The following CPNE4 variants were observed in gnomAD, a reference collection of about 807,000 sequenced individuals.
CPNE4 encodes copine-4.
CPNE4 carries 25 observed loss-of-function variants against 67.9 expected under a neutral mutation model. The ratio of observed to expected loss-of-function variants is 0.37; its 90% CI spans 0.27 to 0.51. The LOEUF is 0.51. Ranked by LOEUF, CPNE4 falls within the 20% of genes least tolerant of loss-of-function variation. The probability of loss-of-function intolerance (pLI) is 0.93; values close to 1 mark genes in which losing one functional copy is unlikely to be tolerated. For missense variants in CPNE4, 464 were observed against 690.8 expected, an observed-to-expected ratio of 0.67 and a Z score of 3.68; for synonymous variants, 242 against 244.9, an observed-to-expected ratio of 0.99 and a Z score of 0.11.
rs78977460 is a variant in CPNE4 at position 131,725,914 on chromosome 3, T to C, written c.181-2289A>G. Among the ~76,000 whole-genome samples, 1,507 of 152,338 alleles carry C rather than the reference T, an allele frequency of 9.9e-3. 18 individuals are homozygous for C. Among genetic ancestry groups the C allele is most frequent in the African/African-American group, 0.032 (1,330 of 41,564 alleles). On this transcript the variant is annotated intron_variant, in intron 2 of 15. Coordinates refer to ENST00000429747, the MANE Select transcript of CPNE4 (RefSeq NM_130808.3). ...GCAACTTCCAGGCCTTTCTCCTTCA[T>C]TTAATTTCTCTTCCTGGCCCCTAGA...
intron 1 of CPNE4, among the ~76,000 whole-genome samples, chr3:131,952,471 TGG>T (rs1166786933): frequency 6.6e-5 from 6 of 90,438 alleles, no homozygotes; most frequent in African/African-American, 1.8e-4. Flanking sequence ...GGGAGGGAGG[TGG>T]GGGGGTCAGC....
At chr3:131,813,275 AAT>A (rs1215527611) in intron 2 of CPNE4, among the ~76,000 whole-genome samples, 1 of 151,650 alleles carries the variant, frequency 6.6e-6, no homozygotes, top group South Asian at 2.1e-4. Flanking sequence ...AAGTTTGTAA[AAT>A]ATGTTTCCAT....
intron 1 of CPNE4, among the ~76,000 whole-genome samples, chr3:131,951,799 G>A (rs1225011): frequency 0.13 from 20,391 of 152,038 alleles, 1,443 homozygotes; most frequent in Admixed American, 0.18. Context: ...TCCTAACCGC[G>A]AGTGATCCGC....
chr3:131,646,825 G>A (rs2079680057), intron 7 of CPNE4, among the ~76,000 whole-genome samples: 1 of 152,234 alleles, frequency 6.6e-6, no homozygotes. Context: ...GACAAGCTCT[G>A]AAAAGTTCTA....
chr3:131,684,201 G>T (rs1280662643), intron 6 of CPNE4, among the ~76,000 whole-genome samples: 2 of 152,180 alleles, frequency 1.3e-5, no homozygotes, highest in Non-Finnish European at 2.9e-5. Context: ...TGTTCTTATG[G>T]GTAGGATAAT....
At chr3:131,863,073 G>A (rs1390775277) in intron 2 of CPNE4, among the ~76,000 whole-genome samples, 1 of 152,074 alleles carries the variant, frequency 6.6e-6, no homozygotes, top group Non-Finnish European at 1.5e-5. Context: ...ATTCCATGGT[G>A]TATATGTGCC....
intron 14 of CPNE4, among the ~76,000 whole-genome samples, chr3:131,548,994 A>G (rs1008775025): frequency 6.6e-6 from 1 of 152,162 alleles, no homozygotes; most frequent in African/African-American, 2.4e-5. Context: ...TTGAATGAGT[A>G]CTTGTTAATG....
At chr3:131,625,506 A>C (rs763693397) in intron 7 of CPNE4, among the ~76,000 whole-genome samples, 1 of 152,152 alleles carries the variant, frequency 6.6e-6, no homozygotes, top group Non-Finnish European at 1.5e-5. Context: ...AAAAAAGCTC[A>C]CTATGCAGAA....
At chr3:131,834,580 G>GA (rs920643974) in intron 2 of CPNE4, among the ~76,000 whole-genome samples, 14 of 148,074 alleles carry the variant, frequency 9.5e-5, no homozygotes, top group South Asian at 6.4e-4. Flanking sequence ...TATTTGGAGA[G>GA]AAAAAAAAAT....
intron 2 of CPNE4, among the ~76,000 whole-genome samples, chr3:131,729,048 G>A (rs937868328): frequency 3.9e-5 from 6 of 152,192 alleles, no homozygotes; most frequent in African/African-American, 1.4e-4. Flanking sequence ...GGAGAGGTGA[G>A]AGCTAAATCG....
intron 14 of CPNE4, among the ~76,000 whole-genome samples, chr3:131,545,617 C>A (rs1329063135): frequency 3.3e-5 from 5 of 152,106 alleles, no homozygotes; most frequent in Admixed American, 2.0e-4. Context: ...AATTATTAGA[C>A]AAACTACTGG....
intron 7 of CPNE4, 127 bp downstream of exon 7, chr3:131,669,548 C>T: frequency 7.7e-6 from 5 of 649,900 alleles, no homozygotes; most frequent in Non-Finnish European, 1.3e-5. Context: ...CATCGAGATG[C>T]TAAAAGATGA....
chr3:131,797,888 G>A (rs1377875292), intron 2 of CPNE4, among the ~76,000 whole-genome samples: 2 of 152,120 alleles, frequency 1.3e-5, no homozygotes, highest in Non-Finnish European at 2.9e-5. Context: ...CCACAGACTG[G>A]GTGGTTTAAA....
intron 1 of CPNE4, among the ~76,000 whole-genome samples, chr3:132,030,624 C>T (rs1027077421): frequency 2.6e-5 from 4 of 152,146 alleles, no homozygotes; most frequent in Non-Finnish European, 5.9e-5. Flanking sequence ...ATTTACTGAG[C>T]TAAAAGCTGA....
chr3:131,876,965 G>A (rs4345110), intron 2 of CPNE4, among the ~76,000 whole-genome samples: 53,717 of 151,464 alleles, frequency 0.35, 10,676 homozygotes, highest in African/African-American at 0.53. Flanking sequence ...CTTGCTGTTT[G>A]TAGTTTCTTT....
At chr3:131,876,239 A>AAAGT (rs1487627982) in intron 2 of CPNE4, among the ~76,000 whole-genome samples, 1 of 139,678 alleles carries the variant, frequency 7.2e-6, no homozygotes. Context: ...ACTCGGTCTC[A>AAAGT]AAATAAATAA....
chr3:131,875,516 T>C (rs1402519785), intron 2 of CPNE4, among the ~76,000 whole-genome samples: 1 of 151,918 alleles, frequency 6.6e-6, no homozygotes, highest in Non-Finnish European at 1.5e-5. Flanking sequence ...AAATGATGAG[T>C]TCATGTCCTT....
intron 1 of CPNE4, among the ~76,000 whole-genome samples, chr3:131,960,066 G>A (rs981976461): frequency 1.3e-5 from 2 of 149,960 alleles, no homozygotes; most frequent in South Asian, 2.1e-4. Flanking sequence ...ATATGGACAT[G>A]AGCGAGACAG....
chr3:131,694,323 T>C (rs1317649098), intron 5 of CPNE4, among the ~76,000 whole-genome samples: 1 of 152,108 alleles, frequency 6.6e-6, no homozygotes. Flanking sequence ...TAGAAAAGGG[T>C]CCTCCTTGAG....
Sources: allele counts gnomAD v4.1 joint callset (sites outside exome capture counted in the v4.1 genomes callset), GRCh38; gene constraint gnomAD v4.1.1; transcripts MANE v1.5; gene names NCBI Gene and HGNC (gene_info 2026-07-23, HGNC 2026-07-21).